The following LRP1B variants were observed in gnomAD, a reference collection of about 807,000 sequenced individuals.
The protein encoded by LRP1B is LDL receptor related protein 1B.
In LRP1B, 217 loss-of-function variants were observed where a neutral mutation model predicts 556.6. The observed-to-expected ratio is 0.39, with a 90% CI of 0.35 to 0.44. The LOEUF (loss-of-function observed/expected upper bound fraction) is 0.44, where lower values mean the gene tolerates loss of function less well. Among genes scored for constraint, LRP1B ranks in the 20% least tolerant of loss-of-function variants. The pLI, the probability that LRP1B is intolerant of heterozygous loss-of-function variation, is 1.00. For synonymous variants in LRP1B, 2,047 were observed against 1,865.8 expected, an observed-to-expected ratio of 1.10 and a Z score of -2.50; for missense variants, 5,053 against 5,620.8, an observed-to-expected ratio of 0.90 and a Z score of 3.23.
intron 27 of LRP1B, among the ~76,000 whole-genome samples, chr2:140,857,440 A>C (rs1379024970): frequency 2.6e-5 from 4 of 152,170 alleles, no homozygotes. Context: ...AGTACTTTGC[A>C]ATTAACCACT....
chr2:141,852,270 CT>C (rs1697891822), intron 1 of LRP1B, among the ~76,000 whole-genome samples: 1 of 151,714 alleles, frequency 6.6e-6, no homozygotes, highest in Non-Finnish European at 1.5e-5. Context: ...AAATACCTGT[CT>C]TTACATCTTG....
intron 59 of LRP1B, among the ~76,000 whole-genome samples, chr2:140,480,629 T>G (rs1408875194): frequency 6.6e-6 from 1 of 151,048 alleles, no homozygotes; most frequent in Non-Finnish European, 1.5e-5. Flanking sequence ...TTAGTAGAGA[T>G]GGGGTTTCAC....
intron 3 of LRP1B, among the ~76,000 whole-genome samples, chr2:141,362,669 T>C (rs1457914925): frequency 6.6e-6 from 1 of 152,226 alleles, no homozygotes; most frequent in African/African-American, 2.4e-5. Context: ...AAATTCTTCC[T>C]TAACAAGTTG....
chr2:142,022,557 C>A (rs904306348), intron 1 of LRP1B, among the ~76,000 whole-genome samples: 1 of 152,112 alleles, frequency 6.6e-6, no homozygotes, highest in African/African-American at 2.4e-5. Flanking sequence ...TCACTGCAGG[C>A]TATAGCTCAT....
intron 43 of LRP1B, among the ~76,000 whole-genome samples, chr2:140,567,765 C>T (rs1244230912): frequency 6.6e-6 from 1 of 152,158 alleles, no homozygotes. Context: ...AAATCTCCAT[C>T]AAAACCCATT....
chr2:141,431,181 T>C (rs4954908), intron 3 of LRP1B, among the ~76,000 whole-genome samples: 45,309 of 110,006 alleles, frequency 0.41, 6,923 homozygotes, highest in Admixed American at 0.45. Context: ...TAGATTACCA[T>C]AGATTATCCT....
intron 41 of LRP1B, among the ~76,000 whole-genome samples, chr2:140,678,773 T>C (rs1480708611): frequency 2.1e-5 from 3 of 145,362 alleles, no homozygotes; most frequent in African/African-American, 7.4e-5. Flanking sequence ...AATCTCCCTT[T>C]TTTTTTTTTT....
chr2:140,726,755 T>C (rs1687608188), intron 35 of LRP1B, among the ~76,000 whole-genome samples: 1 of 152,210 alleles, frequency 6.6e-6, no homozygotes, highest in African/African-American at 2.4e-5. Context: ...ATACATTTAC[T>C]TTTAACTTTT....
Position 140,509,956 on chromosome 2 carries a change from T to C in LRP1B, c.8370A>G (p.Gly2790=), listed in dbSNP as rs1250034952. ...LCDGERDCPD[G]SDELSTAGCA... ...AGCCTGCTGTGGAAAGCTCATCGCT[T>C]CCATCTGGACAGTCCCTTTCACCAT... The change falls in exon 52 of 91, where the codon GGA becomes GGG. Residue 2790 remains glycine (G), a synonymous_variant. Transcript: ENST00000389484. The C allele has an allele frequency of 6.2e-7, 1 of 1,613,876 alleles. No homozygotes were observed. The highest frequency in any genetic ancestry group is 1.7e-5 in the Admixed American group (1 of 59,988).
In LRP1B at chr2:140,642,686, C is replaced by CA. The variant is rs559719907; in HGVS notation, c.6800-41048dup. Among the ~76,000 whole-genome samples the CA allele has an allele frequency of 2.8e-3, 429 of 151,730 alleles. 1 individual carries two copies. Among genetic ancestry groups the CA allele is most frequent in the African/African-American group, 8.6e-3 (356 of 41,392 alleles). ...GAAACCCCATCTCTACTAAAAAATACAAAAAAAATTAGCTGGGCATGGTGG... is the reference window on the plus strand; with the variant it reads ...GAAACCCCATCTCTACTAAAAAATACAAAAAAAAATTAGCTGGGCATGGTGG... On this transcript the variant is annotated intron_variant, in intron 41 of 90. Transcript: ENST00000389484.
chr2:141,211,312 A>AAAC (rs1271176300), intron 6 of LRP1B, among the ~76,000 whole-genome samples: 2,803 of 151,600 alleles, frequency 0.018, 40 homozygotes, highest in Middle Eastern at 0.034. Flanking sequence ...TTTAAAAAAA[A>AAAC]AAAACAAAAC....
At chr2:141,558,333 C>A (rs746263155) in intron 2 of LRP1B, among the ~76,000 whole-genome samples, 9 of 151,540 alleles carry the variant, frequency 5.9e-5, no homozygotes, top group Middle Eastern at 3.4e-3. Context: ...ATTCGTCAGG[C>A]CTTATGAGAA....
At chr2:141,395,734 A>C (rs1315239701) in intron 3 of LRP1B, among the ~76,000 whole-genome samples, 1 of 152,156 alleles carries the variant, frequency 6.6e-6, no homozygotes, top group Non-Finnish European at 1.5e-5. Flanking sequence ...TTAAGAAAAC[A>C]TGAAAAACAG....
At chr2:140,388,143 G>C (rs13030604) in intron 66 of LRP1B, among the ~76,000 whole-genome samples, 13,331 of 151,982 alleles carry the variant, frequency 0.088, 685 homozygotes, top group Middle Eastern at 0.14. Context: ...CGCCATGTAG[G>C]CCAGGCTGGT....
intron 32 of LRP1B, among the ~76,000 whole-genome samples, chr2:140,797,376 T>C (rs1690352928): frequency 6.6e-6 from 1 of 152,112 alleles, no homozygotes; most frequent in South Asian, 2.1e-4. Flanking sequence ...AACAAACTTC[T>C]TCAAAGCTAA....
At chr2:141,983,141 A>G (rs1702088646) in intron 1 of LRP1B, among the ~76,000 whole-genome samples, 1 of 151,750 alleles carries the variant, frequency 6.6e-6, no homozygotes, top group African/African-American at 2.4e-5. Flanking sequence ...TTGAGATAAT[A>G]CTTGAGGCAT....
At chr2:141,504,806 T>G (rs1267342399) in intron 2 of LRP1B, among the ~76,000 whole-genome samples, 1 of 152,128 alleles carries the variant, frequency 6.6e-6, no homozygotes, top group Non-Finnish European at 1.5e-5. Flanking sequence ...GCATTAGATT[T>G]TAATTAATTC....
intron 25 of LRP1B, among the ~76,000 whole-genome samples, chr2:140,872,877 A>G (rs558605040): frequency 4.6e-5 from 7 of 152,068 alleles, no homozygotes; most frequent in Non-Finnish European, 1.0e-4. Flanking sequence ...TTATGAATCT[A>G]TAAGATATAT....
chr2:140,717,580 G>A (rs770948478), intron 35 of LRP1B, among the ~76,000 whole-genome samples: 1 of 151,960 alleles, frequency 6.6e-6, no homozygotes, highest in Non-Finnish European at 1.5e-5. Context: ...ATGCATAAAG[G>A]GTAGTAATTA....
Sources: allele counts gnomAD v4.1 joint callset (sites outside exome capture counted in the v4.1 genomes callset), GRCh38; gene constraint gnomAD v4.1.1; transcripts MANE v1.5; gene names NCBI Gene and HGNC (gene_info 2026-07-23, HGNC 2026-07-21).